CNTN4: variants seen among roughly 807,000 people sequenced by gnomAD.
CNTN4 encodes contactin 4, also known as contactin-4.
Under a neutral mutation model 122.5 loss-of-function variants are expected in CNTN4, and 77 were observed. The ratio of observed to expected loss-of-function variants is 0.63; its 90% CI spans 0.52 to 0.76. CNTN4 has a LOEUF of 0.76. Ranked by LOEUF, CNTN4 falls within the 30% of genes least tolerant of loss-of-function variation. The probability of loss-of-function intolerance (pLI) is 0.00; values close to 1 mark genes in which losing one functional copy is unlikely to be tolerated. For missense variants in CNTN4, 1,256 were observed against 1,259.1 expected, an observed-to-expected ratio of 1.00 and a Z score of 0.04; for synonymous variants, 512 against 447.0, an observed-to-expected ratio of 1.15 and a Z score of -1.83.
At chr3:2,527,139 C>G (rs1332253268) in intron 3 of CNTN4, among the ~76,000 whole-genome samples, 2 of 152,172 alleles carry the variant, frequency 1.3e-5, no homozygotes, top group African/African-American at 4.8e-5. Context: ...TTTTCTGAGA[C>G]ACTGTGTTGA....
intron 3 of CNTN4, among the ~76,000 whole-genome samples, chr3:2,372,293 T>C (rs1475581392): frequency 1.3e-5 from 2 of 152,236 alleles, no homozygotes; most frequent in South Asian, 4.1e-4. Context: ...TGGCTTTTAA[T>C]GCTTGCTGAA....
intron 12 of CNTN4, among the ~76,000 whole-genome samples, chr3:2,912,460 A>T (rs2094311066): frequency 6.6e-6 from 1 of 152,240 alleles, no homozygotes; most frequent in East Asian, 1.9e-4. Flanking sequence ...TTGAAATGAA[A>T]GGATGATAAA....
chr3:2,848,451 G>A (rs1019545979), intron 7 of CNTN4, among the ~76,000 whole-genome samples: 8 of 152,130 alleles, frequency 5.3e-5, no homozygotes, highest in African/African-American at 1.9e-4. Flanking sequence ...TCCCCGTGTT[G>A]GTTCCCACTG....
At chr3:2,934,126 A>G (rs2094548158) in intron 13 of CNTN4, among the ~76,000 whole-genome samples, 1 of 152,142 alleles carries the variant, frequency 6.6e-6, no homozygotes, top group South Asian at 2.1e-4. Context: ...CCTTAACGTT[A>G]CCTTGGGCAG....
intron 3 of CNTN4, among the ~76,000 whole-genome samples, chr3:2,557,728 G>T (rs142755443): frequency 6.7e-6 from 1 of 148,222 alleles, no homozygotes; most frequent in Non-Finnish European, 1.5e-5. Context: ...TCCAGCCTGG[G>T]CAACAGAGCA....
intron 4 of CNTN4, among the ~76,000 whole-genome samples, chr3:2,615,110 T>A (rs2081656391): frequency 6.6e-6 from 1 of 152,182 alleles, no homozygotes; most frequent in Non-Finnish European, 1.5e-5. Context: ...AAAATTTGTT[T>A]TTGCACATCA....
At chr3:2,608,979 T>C (rs974213284) in intron 4 of CNTN4, among the ~76,000 whole-genome samples, 1 of 152,238 alleles carries the variant, frequency 6.6e-6, no homozygotes, top group Admixed American at 6.5e-5. Context: ...TTTCATCTTC[T>C]CTGGAGAAAG....
intron 2 of CNTN4, among the ~76,000 whole-genome samples, chr3:2,305,487 G>GT (rs1489479707): frequency 1.3e-5 from 2 of 151,984 alleles, no homozygotes; most frequent in Admixed American, 6.6e-5. Context: ...TACTTTATTA[G>GT]TTGCTAAATT....
intron 6 of CNTN4, among the ~76,000 whole-genome samples, chr3:2,776,610 T>C (rs2149810576): frequency 6.6e-6 from 1 of 152,300 alleles, no homozygotes; most frequent in Non-Finnish European, 1.5e-5. Context: ...CTTGGTAGAA[T>C]TGGTAGACTG....
At chr3:2,458,044 A>G (rs533564382) in intron 3 of CNTN4, among the ~76,000 whole-genome samples, 9 of 152,128 alleles carry the variant, frequency 5.9e-5, no homozygotes, top group Non-Finnish European at 1.0e-4. Context: ...CTGTGGAACC[A>G]CAGCTTCATT....
At chr3:2,595,150 C>G (rs2080707706) in intron 4 of CNTN4, among the ~76,000 whole-genome samples, 1 of 152,182 alleles carries the variant, frequency 6.6e-6, no homozygotes, top group Non-Finnish European at 1.5e-5. Context: ...CATTGACATG[C>G]TTTTATTAGC....
chr3:2,539,635 A>C (rs925660104), intron 3 of CNTN4, among the ~76,000 whole-genome samples: 1 of 152,094 alleles, frequency 6.6e-6, no homozygotes, highest in East Asian at 1.9e-4. Context: ...CTTGATGCAA[A>C]AATCAATGAG....
At chr3:2,202,829 T>C (rs1206966906) in intron 2 of CNTN4, among the ~76,000 whole-genome samples, 1 of 152,006 alleles carries the variant, frequency 6.6e-6, no homozygotes, top group African/African-American at 2.4e-5. Flanking sequence ...AATTACATTT[T>C]TTTTTTCTTT....
At chr3:2,101,729 C>G (rs1426938350) in intron 2 of CNTN4, among the ~76,000 whole-genome samples, 2 of 151,770 alleles carry the variant, frequency 1.3e-5, no homozygotes, top group Admixed American at 1.3e-4. Context: ...TGAAGACATG[C>G]TGTTATATGA....
chr3:3,047,293 G>A (rs1304730839), intron 23 of CNTN4, among the ~76,000 whole-genome samples: 1 of 152,108 alleles, frequency 6.6e-6, no homozygotes, highest in Non-Finnish European at 1.5e-5. Context: ...GACATCTACA[G>A]AACTCTCCAC....
At chr3:2,139,108 A>T (rs886611424) in intron 2 of CNTN4, among the ~76,000 whole-genome samples, 6 of 152,180 alleles carry the variant, frequency 3.9e-5, no homozygotes, top group African/African-American at 1.4e-4. Flanking sequence ...TTAATGAATC[A>T]GGAGAGCCAG....
At chr3:2,777,104 C>G (rs1380124333) in intron 6 of CNTN4, among the ~76,000 whole-genome samples, 1 of 152,128 alleles carries the variant, frequency 6.6e-6, no homozygotes, top group Non-Finnish European at 1.5e-5. Context: ...CCTTAGCCTC[C>G]CAAGCAGCAG....
chr3:3,039,333 A>C (rs1699934177), intron 19 of CNTN4: 2 of 255,454 alleles, frequency 7.8e-6, no homozygotes, highest in South Asian at 1.1e-4. Context: ...CAATTGATTT[A>C]AAACGTCTGC....
chr3:2,667,372 G>A (rs1235555783), intron 4 of CNTN4, among the ~76,000 whole-genome samples: 1 of 152,030 alleles, frequency 6.6e-6, no homozygotes, highest in African/African-American at 2.4e-5. Context: ...TGTGTCTTTT[G>A]GCTGCATAAA....
Sources: allele counts gnomAD v4.1 joint callset (sites outside exome capture counted in the v4.1 genomes callset), GRCh38; gene constraint gnomAD v4.1.1; transcripts MANE v1.5; gene names NCBI Gene and HGNC (gene_info 2026-07-23, HGNC 2026-07-21).